Variants in ZMIZ1 observed in about 807,000 individuals in gnomAD.
ZMIZ1 encodes zinc finger MIZ domain-containing protein 1.
In ZMIZ1, 17 loss-of-function variants were observed where a neutral mutation model predicts 113.9. That is an observed-to-expected ratio of 0.15 (90% CI 0.10 to 0.22). The LOEUF is 0.22. Among genes scored for constraint, ZMIZ1 ranks in the 10% least tolerant of loss-of-function variants. The probability of loss-of-function intolerance (pLI) is 1.00; values close to 1 mark genes in which losing one functional copy is unlikely to be tolerated. For synonymous variants in ZMIZ1, 607 were observed against 603.1 expected (o/e 1.01, Z -0.09); for missense variants, 1,059 against 1,477.8 (o/e 0.72, Z 4.65).
Position 79,314,224 on chromosome 10 carries a change from G to A in ZMIZ1, c.*1475G>A. ...TCCTGTGTTCACTTTGTTTCAGGCTGGTCTGTGCCCCGTGAGCCACATGGC... is the reference window on the plus strand; with the variant it reads ...TCCTGTGTTCACTTTGTTTCAGGCTAGTCTGTGCCCCGTGAGCCACATGGC... On this transcript the variant is annotated 3_prime_UTR_variant, in exon 25 of 25. Coordinates refer to ENST00000334512, the MANE Select transcript of ZMIZ1 (RefSeq NM_020338.4). 2.2e-6 allele frequency: 1 copy of A among 457,072 alleles called. No individual in the cohort carries two copies. The highest frequency in any genetic ancestry group is 2.3e-5 in the Admixed American group (1 of 42,592). 28.3% of individuals were successfully genotyped at this position (457,072 alleles called of 1,614,324 possible).
intron 16 of ZMIZ1, among the ~76,000 whole-genome samples, chr10:79,299,823 A>G (rs973287429): frequency 1.3e-5 from 2 of 152,348 alleles, no homozygotes; most frequent in Middle Eastern, 3.4e-3. Context: ...TCTCACAGCT[A>G]GCCAGGGGCG....
chr10:79,169,303 G>A (rs535116106), intron 4 of ZMIZ1, among the ~76,000 whole-genome samples: 3 of 152,282 alleles, frequency 2.0e-5, no homozygotes, highest in South Asian at 2.1e-4. Flanking sequence ...CCTGTGCTTC[G>A]TTGCCTCTGC....
intron 17 of ZMIZ1, 111 bp downstream of exon 17, chr10:79,301,053 C>T: frequency 6.9e-7 from 1 of 1,445,472 alleles, no homozygotes; most frequent in Non-Finnish European, 9.3e-7. Flanking sequence ...CCTGCGTCAC[C>T]ACCCCCGTGC....
At chr10:79,128,779 A>T (rs563056712) in intron 2 of ZMIZ1, among the ~76,000 whole-genome samples, 1 of 152,078 alleles carries the variant, frequency 6.6e-6, no homozygotes, top group Non-Finnish European at 1.5e-5. Context: ...GTGTGACCAT[A>T]ATCATTTTGA....
chr10:79,230,364 T>C (rs1451007331), intron 7 of ZMIZ1, among the ~76,000 whole-genome samples: 1 of 152,172 alleles, frequency 6.6e-6, no homozygotes, highest in Non-Finnish European at 1.5e-5. Context: ...GCTGCCCTGC[T>C]CCAGCCCTGG....
intron 4 of ZMIZ1, among the ~76,000 whole-genome samples, chr10:79,173,188 T>A (rs1846678479): frequency 6.6e-6 from 1 of 152,212 alleles, no homozygotes; most frequent in Admixed American, 6.5e-5. Flanking sequence ...AGGGCAAGCT[T>A]GTCCAACCCG....
At chr10:79,097,041 C>T (rs983502864) in intron 1 of ZMIZ1, among the ~76,000 whole-genome samples, 4 of 152,096 alleles carry the variant, frequency 2.6e-5, no homozygotes, top group Non-Finnish European at 5.9e-5. Flanking sequence ...CGGGGATGAC[C>T]GGCAGGGGCA....
intron 3 of ZMIZ1, among the ~76,000 whole-genome samples, chr10:79,140,336 C>T (rs1173470804): frequency 6.6e-6 from 1 of 152,196 alleles, no homozygotes; most frequent in African/African-American, 2.4e-5. Flanking sequence ...ATTTTCAGAC[C>T]ACGAGAACAA....
chr10:79,166,003 G>GTGTGTGTGC (rs1309575802), intron 4 of ZMIZ1, among the ~76,000 whole-genome samples: 1 of 44,468 alleles, frequency 2.2e-5, no homozygotes, highest in African/African-American at 1.2e-4. Flanking sequence ...TGTGTGTGTG[G>GTGTGTGTGC]GCTCTCCCTG....
intron 7 of ZMIZ1, among the ~76,000 whole-genome samples, chr10:79,263,760 C>T (rs1851409811): frequency 6.6e-6 from 1 of 152,080 alleles, no homozygotes; most frequent in African/African-American, 2.4e-5. Context: ...ATGACAAGGT[C>T]TCTCGGTGCT....
chr10:79,251,135 C>T (rs1304271789), intron 7 of ZMIZ1, among the ~76,000 whole-genome samples: 1 of 152,102 alleles, frequency 6.6e-6, no homozygotes, highest in Non-Finnish European at 1.5e-5. Context: ...TCCTGTGGCT[C>T]CCCACTGTTA....
At chr10:79,143,087 C>T (rs1845343355) in intron 3 of ZMIZ1, among the ~76,000 whole-genome samples, 1 of 152,180 alleles carries the variant, frequency 6.6e-6, no homozygotes, top group South Asian at 2.1e-4. Context: ...TCAGCCTCTA[C>T]TGCAAACATC....
chr10:79,108,417 C>T (rs962205977), intron 1 of ZMIZ1, among the ~76,000 whole-genome samples: 4 of 152,138 alleles, frequency 2.6e-5, no homozygotes, highest in Non-Finnish European at 4.4e-5. Context: ...CCCACCCATA[C>T]CTAGGTCCTA....
At chr10:79,288,523 C>T (rs79972266) in intron 8 of ZMIZ1, among the ~76,000 whole-genome samples, 7 of 148,044 alleles carry the variant, frequency 4.7e-5, no homozygotes, top group African/African-American at 8.0e-5. Flanking sequence ...AACACACATA[C>T]GCACACACAC....
chr10:79,244,226 C>G (rs1234727528), intron 7 of ZMIZ1, among the ~76,000 whole-genome samples: 1 of 152,208 alleles, frequency 6.6e-6, no homozygotes, highest in Non-Finnish European at 1.5e-5. Context: ...GTGCCCTTCG[C>G]AAAGGTGGTG....
In ZMIZ1 at chr10:79,069,059, C is replaced by G. The variant is rs12264256; in HGVS notation, c.-548C>G. 0.098 allele frequency: 14,809 copies of G among 150,904 alleles called. 914 individuals carry two copies. Among genetic ancestry groups the G allele is most frequent in the African/African-American group, 0.18 (7,408 of 41,078 alleles). 9.3% of individuals were successfully genotyped at this position (150,904 alleles called of 1,614,324 possible). On this transcript the variant is annotated 5_prime_UTR_variant, in exon 1 of 25. Transcript: ENST00000334512. The surrounding 1 kb of genome is among the most constrained non-coding windows in gnomAD (Gnocchi z 4.6). Reference sequence around the variant, plus strand: ...GCGGGCGCCGGGGAGAGCGGGCGGCCGGGCGGCAGGCGGGCGAGCAGCGAT... The same window carrying G: ...GCGGGCGCCGGGGAGAGCGGGCGGCGGGGCGGCAGGCGGGCGAGCAGCGAT...
chr10:79,097,340 A>G (rs1247580693), intron 1 of ZMIZ1, among the ~76,000 whole-genome samples: 3 of 152,198 alleles, frequency 2.0e-5, no homozygotes, highest in African/African-American at 7.2e-5. Flanking sequence ...GCCACTGAAT[A>G]TCACCTGCTA....
rs1208657536 is a variant in ZMIZ1 at position 79,220,875 on chromosome 10, T to C, written c.280+4601T>C. 2.0e-5 allele frequency among the ~76,000 whole-genome samples: 3 copies of C among 152,138 alleles called. No individual in the cohort carries two copies. In the East Asian group the frequency reaches 5.8e-4, roughly 29 times the overall value. ...GTGTATGTCTGCATGGCTGTGCACATGTGTGTATCTGAGCATGCTGTGTGT... is the reference window on the plus strand; with the variant it reads ...GTGTATGTCTGCATGGCTGTGCACACGTGTGTATCTGAGCATGCTGTGTGT... On this transcript the variant is annotated intron_variant, in intron 7 of 24. Transcript: ENST00000334512.
At chr10:79,285,611 A>G (rs1029038825) in intron 8 of ZMIZ1, 38 of 455,984 alleles carry the variant, frequency 8.3e-5, no homozygotes, top group African/African-American at 7.4e-4. Context: ...CATTTTCAGC[A>G]TCACTCCAAG....
Sources: allele counts gnomAD v4.1 joint callset (sites outside exome capture counted in the v4.1 genomes callset), GRCh38; gene constraint gnomAD v4.1.1; non-coding constraint Gnocchi (gnomAD v3.1); transcripts MANE v1.5; gene names NCBI Gene and HGNC (gene_info 2026-07-23, HGNC 2026-07-21).